The following PHLDB2 variants were observed in gnomAD, a reference collection of about 807,000 sequenced individuals.
PHLDB2 encodes the protein pleckstrin homology-like domain family B member 2.
In PHLDB2, 71 loss-of-function variants were observed where a neutral mutation model predicts 123.6. That is an observed-to-expected ratio of 0.57 (90% CI 0.47 to 0.70). The LOEUF is 0.70. Ranked by LOEUF, PHLDB2 falls within the 30% of genes least tolerant of loss-of-function variation. The pLI is 0.00. For synonymous variants in PHLDB2, 547 were observed against 541.6 expected, an observed-to-expected ratio of 1.01 and a Z score of -0.14; for missense variants, 1,446 against 1,519.5, an observed-to-expected ratio of 0.95 and a Z score of 0.80.
intron 2 of PHLDB2, among the ~76,000 whole-genome samples, chr3:111,892,113 C>A (rs1423819634): frequency 6.6e-6 from 1 of 152,184 alleles, no homozygotes; most frequent in Non-Finnish European, 1.5e-5. Flanking sequence ...TAATGTGATA[C>A]CAGCTCTCAT....
At chr3:111,894,840 G>C (rs2066725674) in intron 2 of PHLDB2, among the ~76,000 whole-genome samples, 1 of 151,888 alleles carries the variant, frequency 6.6e-6, no homozygotes, top group Non-Finnish European at 1.5e-5. Context: ...TTGTCACTGG[G>C]TAATATAAAG....
At chr3:111,906,583 G>C (rs2067546476) in intron 2 of PHLDB2, among the ~76,000 whole-genome samples, 1 of 152,210 alleles carries the variant, frequency 6.6e-6, no homozygotes, top group African/African-American at 2.4e-5. Context: ...GTTTGTGTAT[G>C]TAAGTGTATT....
In PHLDB2 at chr3:111,859,473, A is replaced by G; in HGVS notation, c.-118A>G. On this transcript the variant is annotated 5_prime_UTR_variant, in exon 1 of 18. Transcript: ENST00000431670. ...CGGACCCAGCCGCGCGGAGCCCACCATTGCGGCCCGAGGGGGACCCGACGG... is the reference window on the plus strand; with the variant it reads ...CGGACCCAGCCGCGCGGAGCCCACCGTTGCGGCCCGAGGGGGACCCGACGG... The G allele has an allele frequency of 1.0e-6, 1 of 985,504 alleles. No individual in the cohort carries two copies. The highest frequency in any genetic ancestry group is 1.2e-6 in the Non-Finnish European group (1 of 829,998). 61.0% of individuals were successfully genotyped at this position (985,504 alleles called of 1,614,324 possible).
intron 16 of PHLDB2, among the ~76,000 whole-genome samples, chr3:111,971,498 T>TA (rs569294766): frequency 1.3e-5 from 2 of 152,162 alleles, no homozygotes; most frequent in Non-Finnish European, 2.9e-5. Context: ...AACCCTAATT[T>TA]AAAAAAACAG....
intron 2 of PHLDB2, among the ~76,000 whole-genome samples, chr3:111,909,521 C>T (rs901167366): frequency 1.3e-4 from 20 of 152,198 alleles, no homozygotes; most frequent in Middle Eastern, 3.4e-3. Flanking sequence ...CCCTTGAGCC[C>T]AGGAGATCGA....
At chr3:111,808,871 C>T (rs1399728159) in intron 1 of PHLDB2, among the ~76,000 whole-genome samples, 1 of 152,126 alleles carries the variant, frequency 6.6e-6, no homozygotes, top group South Asian at 2.1e-4. Flanking sequence ...TAATAAAGAG[C>T]AAATTCTTTA....
At chr3:111,885,568 T>G (rs750444525) in intron 2 of PHLDB2, 156 bp downstream of exon 2, 1 of 959,688 alleles carries the variant, frequency 1.0e-6, no homozygotes, top group Non-Finnish European at 1.6e-6. Context: ...CTATCCTTCT[T>G]CTTCCCATAT....
intron 1 of PHLDB2, among the ~76,000 whole-genome samples, chr3:111,780,401 A>AGG (rs2060413447): frequency 6.9e-6 from 1 of 144,090 alleles, no homozygotes; most frequent in African/African-American, 2.6e-5. Flanking sequence ...GAAGAAGAAG[A>AGG]AGAAGAAGAA....
chr3:111,915,874 CA>C (rs1379193821), intron 3 of PHLDB2: 11 of 152,268 alleles, frequency 7.2e-5, no homozygotes, highest in African/African-American at 2.7e-4. Context: ...CAGGGGGAAT[CA>C]AAAGTTGTTG....
chr3:111,826,900 C>T (rs2062679062), intron 1 of PHLDB2, among the ~76,000 whole-genome samples: 1 of 152,060 alleles, frequency 6.6e-6, no homozygotes. Context: ...AAATTACTGC[C>T]TCTGCTGATG....
intron 1 of PHLDB2, among the ~76,000 whole-genome samples, chr3:111,751,210 GA>G (rs2059768738): frequency 6.9e-6 from 1 of 144,342 alleles, no homozygotes; most frequent in Non-Finnish European, 1.5e-5. Flanking sequence ...TGTGTGTGCA[GA>G]CAGATAGTAA....
rs149235303 is a variant in PHLDB2 at position 111,898,825 on chromosome 3, A to G, written c.1335+13413A>G. Among the ~76,000 whole-genome samples, 61 of 152,346 alleles carry G rather than the reference A, an allele frequency of 4.0e-4. No homozygotes were observed. In the East Asian group the frequency reaches 0.011, roughly 28 times the overall value. ...ATTTCAGCAATTCATTCACATCTTC[A>G]GGTTCCACATTTAGTTATAGTTCTT... On this transcript the variant is annotated intron_variant, in intron 2 of 17. Coordinates refer to ENST00000431670, the MANE Select transcript of PHLDB2 (RefSeq NM_001134438.2).
At chr3:111,888,908 T>C (rs1460073681) in intron 2 of PHLDB2, among the ~76,000 whole-genome samples, 1 of 152,214 alleles carries the variant, frequency 6.6e-6, no homozygotes, top group Admixed American at 6.5e-5. Flanking sequence ...AATTTTCTGT[T>C]TCCATCAACT....
intron 1 of PHLDB2, among the ~76,000 whole-genome samples, chr3:111,774,409 C>G (rs2060230967): frequency 6.6e-6 from 1 of 152,184 alleles, no homozygotes; most frequent in South Asian, 2.1e-4. Context: ...AATGTATGCT[C>G]TATCTCCTGG....
At chr3:111,811,761 T>C (rs1043884826) in intron 1 of PHLDB2, among the ~76,000 whole-genome samples, 1 of 152,184 alleles carries the variant, frequency 6.6e-6, no homozygotes, top group African/African-American at 2.4e-5. Context: ...ATATTAGGCC[T>C]ACATTCCTGA....
At chr3:111,891,063 T>C (rs1460531301) in intron 2 of PHLDB2, among the ~76,000 whole-genome samples, 1 of 152,122 alleles carries the variant, frequency 6.6e-6, no homozygotes, top group East Asian at 1.9e-4. Context: ...TGACATCCAT[T>C]TGGACTGGTT....
intron 1 of PHLDB2, chr3:111,779,929 T>C (rs931448764): frequency 1.1e-6 from 1 of 906,976 alleles, no homozygotes. Flanking sequence ...ACTTGGCTAT[T>C]TATCACCCCA....
intron 1 of PHLDB2, among the ~76,000 whole-genome samples, chr3:111,800,931 G>A (rs1328193448): frequency 1.3e-5 from 2 of 152,028 alleles, no homozygotes; most frequent in East Asian, 3.8e-4. Flanking sequence ...TGAATCAGCT[G>A]GTACAAGTAT....
At chr3:111,771,624 G>C (rs6795090) in intron 1 of PHLDB2, among the ~76,000 whole-genome samples, 75 of 152,116 alleles carry the variant, frequency 4.9e-4, no homozygotes, top group Middle Eastern at 3.4e-3. Context: ...ACAGGCATGA[G>C]CCACTGCACC....
Sources: allele counts gnomAD v4.1 joint callset (sites outside exome capture counted in the v4.1 genomes callset), GRCh38; gene constraint gnomAD v4.1.1; transcripts MANE v1.5; gene names NCBI Gene and HGNC (gene_info 2026-07-23, HGNC 2026-07-21).